Variants in ERBB4 observed in about 807,000 individuals in gnomAD.
The protein encoded by ERBB4 is receptor tyrosine-protein kinase erbB-4.
Under a neutral mutation model 158.0 loss-of-function variants are expected in ERBB4, and 42 were observed. The observed-to-expected ratio is 0.27, with a 90% CI of 0.21 to 0.34. The LOEUF is 0.34. Ranked by LOEUF, ERBB4 falls within the 10% of genes least tolerant of loss-of-function variation. ERBB4 has a pLI of 1.00. For missense variants in ERBB4, 1,333 were observed against 1,624.1 expected, an observed-to-expected ratio of 0.82 and a Z score of 3.08; for synonymous variants, 583 against 558.7, an observed-to-expected ratio of 1.04 and a Z score of -0.61.
chr2:212,299,562 A>C (rs2086544351), intron 1 of ERBB4, among the ~76,000 whole-genome samples: 1 of 151,606 alleles, frequency 6.6e-6, no homozygotes, highest in South Asian at 2.1e-4. Context: ...CCTTCCCCTG[A>C]GATTTTCCTT....
rs2079731531 is a variant in ERBB4, at chr2:211,917,532, G to A, written c.421+29898C>T. Among the ~76,000 whole-genome samples the A allele has an allele frequency of 2.0e-5, 3 of 152,132 alleles. No homozygotes were observed. The South Asian group carries it at 6.2e-4, about 32-fold the overall frequency. Reference sequence around the variant, plus strand: ...GTTTGTTCAATGCCCAACAGTAAATGACAAAACTGGGATTTGAACCCAAAG... The same window carrying A: ...GTTTGTTCAATGCCCAACAGTAAATAACAAAACTGGGATTTGAACCCAAAG... On this transcript the variant is annotated intron_variant, in intron 3 of 27. Transcript: ENST00000342788.
intron 3 of ERBB4, among the ~76,000 whole-genome samples, chr2:211,928,455 AC>A (rs1444554050): frequency 6.6e-6 from 1 of 152,146 alleles, no homozygotes; most frequent in African/African-American, 2.4e-5. Flanking sequence ...GCTGGGGGCT[AC>A]CCCTGGTAAG....
chr2:212,350,193 TTTGA>T (rs2089192024), intron 1 of ERBB4, among the ~76,000 whole-genome samples: 1 of 152,144 alleles, frequency 6.6e-6, no homozygotes, highest in Non-Finnish European at 1.5e-5. Flanking sequence ...GCTCTCATGT[TTTGA>T]TTAATTATGT....
intron 12 of ERBB4, among the ~76,000 whole-genome samples, chr2:211,684,186 T>G (rs2072469764): frequency 6.6e-6 from 1 of 152,178 alleles, no homozygotes; most frequent in Non-Finnish European, 1.5e-5. Context: ...ACACGGTGGC[T>G]CATGCCTATA....
At chr2:212,532,775 T>C (rs1692826016) in intron 1 of ERBB4, among the ~76,000 whole-genome samples, 2 of 152,228 alleles carry the variant, frequency 1.3e-5, no homozygotes, top group Admixed American at 1.3e-4. Context: ...TTAAAGTCTA[T>C]GTGGCTGCTG....
rs756208197 is a variant in ERBB4, at chr2:211,424,320, TCTTA to T, written c.2720-23_2720-20del. ...GTAACTCCTATATTGGAGAAAAAAT[TCTTA>T]CTTAAGCATATTAACAACATATGTT... On this transcript the variant is annotated intron_variant, in intron 22 of 27. Coordinates refer to ENST00000342788, the MANE Select transcript of ERBB4 (RefSeq NM_005235.3). 33 of 1,601,226 alleles carry T rather than the reference TCTTA, an allele frequency of 2.1e-5. No homozygotes were observed. Among genetic ancestry groups the T allele is most frequent in the Non-Finnish European group, 2.7e-5 (31 of 1,169,192 alleles).
intron 2 of ERBB4, among the ~76,000 whole-genome samples, chr2:212,111,551 C>T: frequency 6.6e-6 from 1 of 152,106 alleles, no homozygotes; most frequent in South Asian, 2.1e-4. Context: ...CTTTCCTCCA[C>T]ATCTGTGAAT....
chr2:211,938,635 T>C (rs2080396133), intron 3 of ERBB4, among the ~76,000 whole-genome samples: 1 of 152,126 alleles, frequency 6.6e-6, no homozygotes, highest in East Asian at 1.9e-4. Context: ...AAAGTTCTAT[T>C]GGACAGTGCA....
chr2:212,124,368 A>T (rs2079852916), intron 2 of ERBB4, among the ~76,000 whole-genome samples: 1 of 152,044 alleles, frequency 6.6e-6, no homozygotes, highest in African/African-American at 2.4e-5. Context: ...AAATAATCTA[A>T]AAGTCTGAAG....
intron 1 of ERBB4, among the ~76,000 whole-genome samples, chr2:212,374,161 G>A (rs865918374): frequency 4.7e-5 from 7 of 148,830 alleles, no homozygotes; most frequent in African/African-American, 1.5e-4. Flanking sequence ...CTGCAAACAC[G>A]TGTTTATACA....
intron 2 of ERBB4, among the ~76,000 whole-genome samples, chr2:212,114,333 T>TG (rs558454801): frequency 2.9e-3 from 444 of 152,224 alleles, no homozygotes; most frequent in Non-Finnish European, 5.1e-3. Context: ...CATATGTTCA[T>TG]GGGGGAGAAA....
chr2:211,845,233 A>G (rs1292696233), intron 3 of ERBB4, among the ~76,000 whole-genome samples: 1 of 152,048 alleles, frequency 6.6e-6, no homozygotes, highest in African/African-American at 2.4e-5. Context: ...AGACAAATCA[A>G]ATCAGAAACC....
At chr2:212,011,255 C>T (rs747519169) in intron 2 of ERBB4, among the ~76,000 whole-genome samples, 15 of 152,144 alleles carry the variant, frequency 9.9e-5, no homozygotes, top group Non-Finnish European at 1.9e-4. Context: ...ATTTATGTCC[C>T]TCTGCCGTGG....
chr2:212,041,291 A>C (rs933885700), intron 2 of ERBB4, among the ~76,000 whole-genome samples: 19 of 152,058 alleles, frequency 1.2e-4, no homozygotes, highest in African/African-American at 3.9e-4. Context: ...GTTTTTTTTC[A>C]TAATCTATCC....
intron 1 of ERBB4, among the ~76,000 whole-genome samples, chr2:212,249,509 C>T (rs908926653): frequency 6.8e-6 from 1 of 147,464 alleles, no homozygotes; most frequent in Non-Finnish European, 1.5e-5. Flanking sequence ...TTTTTAGCTT[C>T]ATGTCATTTT....
At chr2:211,751,397 C>A (rs1422233182) in intron 4 of ERBB4, among the ~76,000 whole-genome samples, 1 of 152,074 alleles carries the variant, frequency 6.6e-6, no homozygotes, top group African/African-American at 2.4e-5. Flanking sequence ...AGAATATTAG[C>A]TGGAAGAAGT....
At chr2:211,500,214 A>G (rs556767747) in intron 20 of ERBB4, among the ~76,000 whole-genome samples, 36 of 152,264 alleles carry the variant, frequency 2.4e-4, no homozygotes, top group African/African-American at 8.4e-4. Flanking sequence ...TCTAATTTAT[A>G]GCCATTTAAA....
At chr2:211,782,651 T>C (rs2076064079) in intron 4 of ERBB4, among the ~76,000 whole-genome samples, 1 of 152,170 alleles carries the variant, frequency 6.6e-6, no homozygotes, top group African/African-American at 2.4e-5. Context: ...TCAGAGAAGA[T>C]GGTGTAGTTC....
At chr2:212,127,520 A>G (rs1575672208) in intron 1 of ERBB4, among the ~76,000 whole-genome samples, 1 of 152,272 alleles carries the variant, frequency 6.6e-6, no homozygotes, top group South Asian at 2.1e-4. Flanking sequence ...TGAACCCGGG[A>G]GGTGGAGCTT....
Sources: gnomAD v4.1 joint callset for allele counts (sites outside exome capture counted in the v4.1 genomes callset) on GRCh38, gnomAD v4.1.1 for gene constraint, MANE v1.5 for transcripts, NCBI Gene and HGNC (gene_info 2026-07-23, HGNC 2026-07-21) for gene names.